The following MROH9 variants were observed in gnomAD, a reference collection of about 807,000 sequenced individuals.
MROH9 encodes the protein maestro heat like repeat family member 9, also known as maestro heat-like repeat-containing protein family member 9.
MROH9 carries 92 observed loss-of-function variants against 98.2 expected under a neutral mutation model. The observed-to-expected ratio is 0.94, with a 90% CI of 0.79 to 1.11. The LOEUF (loss-of-function observed/expected upper bound fraction) is 1.11. Among genes scored for constraint, MROH9 ranks in the 50% most tolerant of loss-of-function variants. The pLI is 0.00. For synonymous variants in MROH9, 397 were observed against 368.9 expected (o/e 1.08, Z -0.87); for missense variants, 1,057 against 1,014.8 (o/e 1.04, Z -0.57).
At chr1:171,027,079 T>C (rs1377767075) in intron 20 of MROH9, among the ~76,000 whole-genome samples, 1 of 152,170 alleles carries the variant, frequency 6.6e-6, no homozygotes, top group Non-Finnish European at 1.5e-5. Context: ...TGAAAAATTC[T>C]TTTTATTCCT....
chr1:171,019,778 C>T (rs1247520013), intron 17 of MROH9, among the ~76,000 whole-genome samples: 1 of 151,920 alleles, frequency 6.6e-6, no homozygotes, highest in Admixed American at 6.6e-5. Flanking sequence ...CAGAGCAGAA[C>T]TGAAGGAAGT....
chr1:170,971,621 C>A, intron 7 of MROH9, 127 bp from the exon 8 acceptor site: 1 of 1,080,062 alleles, frequency 9.3e-7, no homozygotes, highest in Non-Finnish European at 1.3e-6. Flanking sequence ...GATTTGATTA[C>A]AGATATTGTA....
intron 20 of MROH9, among the ~76,000 whole-genome samples, chr1:171,036,937 G>A (rs151268084): frequency 0.013 from 1,911 of 151,616 alleles, 33 homozygotes; most frequent in African/African-American, 0.042. Context: ...GAAAAATCAA[G>A]GAAATGGTCA....
At chr1:171,029,605 TG>T (rs1173778168) in intron 20 of MROH9, among the ~76,000 whole-genome samples, 22 of 152,248 alleles carry the variant, frequency 1.4e-4, no homozygotes, top group Admixed American at 1.4e-3. Flanking sequence ...TTTATTGATT[TG>T]CATATGTTGA....
intron 20 of MROH9, among the ~76,000 whole-genome samples, chr1:171,050,308 G>A (rs1653623957): frequency 1.3e-5 from 2 of 152,028 alleles, no homozygotes; most frequent in African/African-American, 4.8e-5. Flanking sequence ...TTTTGTATAT[G>A]GTAAGAAACA....
intron 1 of MROH9, among the ~76,000 whole-genome samples, chr1:170,943,996 A>C (rs1649222837): frequency 6.6e-6 from 1 of 152,028 alleles, no homozygotes; most frequent in Non-Finnish European, 1.5e-5. Flanking sequence ...GAAAGTATAA[A>C]AATAATATCG....
At chr1:171,030,326 C>T (rs77140429) in intron 20 of MROH9, among the ~76,000 whole-genome samples, 1 of 152,130 alleles carries the variant, frequency 6.6e-6, no homozygotes, top group East Asian at 1.9e-4. Flanking sequence ...TTGTCTTATG[C>T]TAGCTTTTGG....
chr1:171,021,984 C>G (rs1297681529), intron 17 of MROH9, among the ~76,000 whole-genome samples: 1 of 151,438 alleles, frequency 6.6e-6, no homozygotes, highest in Non-Finnish European at 1.5e-5. Flanking sequence ...ACATGGCCAA[C>G]AAACATATGA....
intron 3 of MROH9, among the ~76,000 whole-genome samples, chr1:170,955,785 T>C (rs1649736661): frequency 6.6e-6 from 1 of 152,212 alleles, no homozygotes; most frequent in Admixed American, 6.5e-5. Context: ...CTCTGCTGAC[T>C]GTTCCTTTTG....
At chr1:170,944,529 G>C (rs1283054345) in intron 1 of MROH9, among the ~76,000 whole-genome samples, 1 of 151,866 alleles carries the variant, frequency 6.6e-6, no homozygotes, top group African/African-American at 2.4e-5. Context: ...ACATACTCGA[G>C]GTACTTATAA....
intron 15 of MROH9, among the ~76,000 whole-genome samples, chr1:171,004,375 C>A (rs1651881468): frequency 6.6e-6 from 1 of 152,112 alleles, no homozygotes; most frequent in Non-Finnish European, 1.5e-5. Flanking sequence ...CCCTGTGGTG[C>A]CAAGCAGGAA....
intron 20 of MROH9, among the ~76,000 whole-genome samples, chr1:171,050,307 T>C (rs537383620): frequency 6.6e-6 from 1 of 152,198 alleles, no homozygotes; most frequent in Non-Finnish European, 1.5e-5. Context: ...TTTTTGTATA[T>C]GGTAAGAAAC....
intron 15 of MROH9, chr1:170,998,791 G>C (rs970444324): frequency 3.1e-5 from 29 of 950,102 alleles, no homozygotes; most frequent in East Asian, 2.3e-4. Context: ...AAAAATAAAG[G>C]CTTTATAACC....
intron 6 of MROH9, 80 bp from the exon 7 acceptor site, chr1:170,965,071 G>T: frequency 1.1e-6 from 1 of 901,012 alleles, no homozygotes; most frequent in Non-Finnish European, 1.8e-6. Flanking sequence ...GGCCTGATTT[G>T]GTGAAGTTGA....
chr1:171,022,399 G>A (rs564547974), intron 17 of MROH9, among the ~76,000 whole-genome samples: 57 of 152,214 alleles, frequency 3.7e-4, no homozygotes, highest in Middle Eastern at 3.4e-3. Context: ...TATATACACC[G>A]TGGACTACTA....
intron 12 of MROH9, among the ~76,000 whole-genome samples, chr1:170,994,597 C>T (rs1356637508): frequency 6.6e-6 from 1 of 152,016 alleles, no homozygotes; most frequent in Non-Finnish European, 1.5e-5. Flanking sequence ...AGCATTTATT[C>T]TTTGAATTAT....
At chr1:170,962,416 G>A (rs188002941) in intron 6 of MROH9, among the ~76,000 whole-genome samples, 1 of 152,178 alleles carries the variant, frequency 6.6e-6, no homozygotes, top group East Asian at 1.9e-4. Flanking sequence ...ACCTAAAGAA[G>A]GCCTAACAAC....
intron 12 of MROH9, among the ~76,000 whole-genome samples, chr1:170,993,706 A>G (rs950190976): frequency 5.9e-5 from 9 of 152,202 alleles, no homozygotes; most frequent in African/African-American, 2.2e-4. Context: ...AGGGAGAGCC[A>G]TGCCGTAAAA....
At chr1:170,967,174 A>G (rs1026803690) in intron 7 of MROH9, among the ~76,000 whole-genome samples, 8 of 152,176 alleles carry the variant, frequency 5.3e-5, no homozygotes, top group African/African-American at 1.9e-4. Flanking sequence ...GTTCCTAGCT[A>G]TAACTCAGAT....
Sources: gnomAD v4.1 joint callset for allele counts (sites outside exome capture counted in the v4.1 genomes callset) on GRCh38, gnomAD v4.1.1 for gene constraint, MANE v1.5 for transcripts, NCBI Gene and HGNC (gene_info 2026-07-23, HGNC 2026-07-21) for gene names.